DAB1: variants seen among roughly 807,000 people sequenced by gnomAD.
The protein encoded by DAB1 is DAB adaptor protein 1, also known as disabled homolog 1.
In DAB1, 15 loss-of-function variants were observed where a neutral mutation model predicts 64.6. The ratio of observed to expected loss-of-function variants is 0.23; its 90% confidence interval spans 0.16 to 0.36. The LOEUF (loss-of-function observed/expected upper bound fraction) is 0.36. Ranked by LOEUF, DAB1 falls within the 10% of genes least tolerant of loss-of-function variation. The pLI is 1.00. For synonymous variants in DAB1, 235 were observed against 251.9 expected, an observed-to-expected ratio of 0.93 and a Z score of 0.64; for missense variants, 596 against 706.7, an observed-to-expected ratio of 0.84 and a Z score of 1.78.
At chr1:57,695,328 G>GA (rs1646816689) in intron 6 of DAB1, among the ~76,000 whole-genome samples, 1 of 110,924 alleles carries the variant, frequency 9.0e-6, no homozygotes, top group Non-Finnish European at 1.8e-5. Flanking sequence ...AAGAAAGAAA[G>GA]AAAGAAAGAA....
chr1:57,656,368 G>GTT (rs1255255706), intron 6 of DAB1, among the ~76,000 whole-genome samples: 3 of 151,804 alleles, frequency 2.0e-5, no homozygotes, highest in Non-Finnish European at 2.9e-5. Flanking sequence ...GTGTGTGTGT[G>GTT]TTTTTGTGCT....
chr1:57,365,635 A>C lies in DAB1; in HGVS notation c.-137+58295T>G, dbSNP rs150410241. ...GATGAGGTTCTGAGCAGTTCAGTGAAGTGGAGAGGCCATGATTCAAGTGAG... is the reference window on the plus strand; with the variant it reads ...GATGAGGTTCTGAGCAGTTCAGTGACGTGGAGAGGCCATGATTCAAGTGAG... On this transcript the variant is annotated intron_variant, in intron 1 of 14. Coordinates refer to ENST00000371236, the MANE Select transcript of DAB1 (RefSeq NM_001365792.1). Among the ~76,000 whole-genome samples the C allele has an allele frequency of 5.3e-5, 8 of 152,158 alleles. No homozygotes were observed. The East Asian group carries it at 1.5e-3, about 29-fold the overall frequency.
intron 7 of DAB1, among the ~76,000 whole-genome samples, chr1:57,622,364 T>G (rs533219164): frequency 1.4e-3 from 213 of 152,330 alleles, no homozygotes; most frequent in African/African-American, 4.8e-3. Context: ...GTGGCAGAGC[T>G]GGACATAGAT....
chr1:57,185,608 C>T (rs1447086567), intron 2 of DAB1, among the ~76,000 whole-genome samples: 2 of 152,090 alleles, frequency 1.3e-5, no homozygotes, highest in African/African-American at 4.8e-5. Context: ...TTCAAACAGC[C>T]TTGAGAAGTA....
At chr1:57,016,156 G>A (rs1646423050) in intron 11 of DAB1, among the ~76,000 whole-genome samples, 1 of 152,114 alleles carries the variant, frequency 6.6e-6, no homozygotes, top group Non-Finnish European at 1.5e-5. Flanking sequence ...TTAGTAGTAT[G>A]GTTTGGATTA....
intron 5 of DAB1, among the ~76,000 whole-genome samples, chr1:57,908,972 TA>T (rs34848109): frequency 1.2e-4 from 18 of 151,528 alleles, no homozygotes; most frequent in Middle Eastern, 3.4e-3. Context: ...TATTTTCCTT[TA>T]AAAAAAAATG....
intron 5 of DAB1, among the ~76,000 whole-genome samples, chr1:58,092,807 A>G (rs1181062697): frequency 6.6e-6 from 1 of 152,028 alleles, no homozygotes; most frequent in African/African-American, 2.4e-5. Flanking sequence ...GTCTGCTACC[A>G]TCTCTCATAG....
chr1:57,109,429 A>G (rs1655458436), intron 4 of DAB1, among the ~76,000 whole-genome samples: 1 of 152,204 alleles, frequency 6.6e-6, no homozygotes, highest in African/African-American at 2.4e-5. Flanking sequence ...GACTCTCTGG[A>G]AAACAAACAT....
Position 58,404,706 on chromosome 1 carries a change from T to C in DAB1, n.258-61303A>G, listed in dbSNP as rs558704647. ...GGGACCCTAAGGATCTAGGTTCAAA[T>C]GGTGTGTATGATGGGAGCAAATCAC... is the stretch of plus-strand genomic sequence containing the variant. On this transcript the variant is annotated intron_variant and non_coding_transcript_variant, in intron 3 of 20. Coordinates refer to the DAB1 transcript ENST00000485760. 7.9e-4 allele frequency among the ~76,000 whole-genome samples: 120 copies of C among 152,306 alleles called. 1 individual carries two copies. Among genetic ancestry groups the C allele is most frequent in the African/African-American group, 2.7e-3 (113 of 41,560 alleles).
intron 1 of DAB1, among the ~76,000 whole-genome samples, chr1:57,337,359 G>A (rs1421050271): frequency 2.6e-5 from 4 of 152,086 alleles, no homozygotes; most frequent in Admixed American, 2.6e-4. Context: ...AGGCACACCT[G>A]CCTCTTCACC....
chr1:57,394,074 G>A (rs1027878713), intron 1 of DAB1, among the ~76,000 whole-genome samples: 6 of 152,154 alleles, frequency 3.9e-5, no homozygotes, highest in Non-Finnish European at 7.3e-5. Flanking sequence ...TTGTTTATAT[G>A]AGCGGGTTTC....
At chr1:58,439,242 A>G (rs954589305) in intron 3 of DAB1, among the ~76,000 whole-genome samples, 5 of 151,952 alleles carry the variant, frequency 3.3e-5, no homozygotes, top group Admixed American at 2.0e-4. Flanking sequence ...TGTATCCCAC[A>G]TAACTCACTT....
chr1:57,633,795 A>C (rs1646019522), intron 7 of DAB1, among the ~76,000 whole-genome samples: 1 of 152,160 alleles, frequency 6.6e-6, no homozygotes, highest in Admixed American at 6.5e-5. Context: ...CCGGAGTGAA[A>C]CACACGTACA....
chr1:57,990,574 C>T (rs1646319107), intron 5 of DAB1, among the ~76,000 whole-genome samples: 1 of 152,168 alleles, frequency 6.6e-6, no homozygotes, highest in African/African-American at 2.4e-5. Context: ...AGGGGCCTGA[C>T]ACAGGTCTTT....
At chr1:58,242,066 T>C (rs1660320876) in intron 4 of DAB1, among the ~76,000 whole-genome samples, 1 of 152,050 alleles carries the variant, frequency 6.6e-6, no homozygotes, top group Admixed American at 6.5e-5. Flanking sequence ...TAAAAATCAA[T>C]GCCTATCAGA....
At chr1:57,434,633 C>T (rs1224583530) in intron 7 of DAB1, among the ~76,000 whole-genome samples, 2 of 152,148 alleles carry the variant, frequency 1.3e-5, no homozygotes, top group Non-Finnish European at 2.9e-5. Flanking sequence ...GCAGCTTTGT[C>T]ATTGTGTGAA....
At chr1:57,873,348 A>G (rs1040225149) in intron 1 of DAB1, among the ~76,000 whole-genome samples, 5 of 152,184 alleles carry the variant, frequency 3.3e-5, no homozygotes, top group African/African-American at 1.2e-4. Flanking sequence ...CTCCTTATTC[A>G]TCATCATAGC....
At chr1:57,270,815 C>T (rs575993360) in intron 2 of DAB1, among the ~76,000 whole-genome samples, 1 of 152,288 alleles carries the variant, frequency 6.6e-6, no homozygotes, top group African/African-American at 2.4e-5. Context: ...TAGTGCCAGG[C>T]ACCTTGCTTG....
At chr1:57,539,523 T>A (rs538938501) in intron 7 of DAB1, among the ~76,000 whole-genome samples, 1 of 152,316 alleles carries the variant, frequency 6.6e-6, no homozygotes, top group South Asian at 2.1e-4. Context: ...TATCTTTTGT[T>A]ATCTAAAAAA....
Sources: gnomAD v4.1 joint callset for allele counts (sites outside exome capture counted in the v4.1 genomes callset) on GRCh38, gnomAD v4.1.1 for gene constraint, MANE v1.5 for transcripts, NCBI Gene and HGNC (gene_info 2026-07-23, HGNC 2026-07-21) for gene names.